ADCY1: variants seen among roughly 807,000 people sequenced by gnomAD.
The protein encoded by ADCY1 is adenylate cyclase type 1.
A neutral mutation model predicts 105.4 loss-of-function variants in ADCY1; 28 were observed. That is an observed-to-expected ratio of 0.27 (90% CI 0.20 to 0.36). The LOEUF (loss-of-function observed/expected upper bound fraction) is 0.36, where lower values mean the gene tolerates loss of function less well. Ranked by LOEUF, ADCY1 falls within the 10% of genes least tolerant of loss-of-function variation. The pLI, the probability that ADCY1 is intolerant of heterozygous loss-of-function variation, is 1.00. For synonymous variants in ADCY1, 655 were observed against 623.8 expected (o/e 1.05, Z -0.75); for missense variants, 977 against 1,434.2 (o/e 0.68, Z 5.15).
intron 14 of ADCY1, among the ~76,000 whole-genome samples, chr7:45,700,969 C>A (rs76154881): frequency 2.6e-5 from 4 of 152,172 alleles, no homozygotes; most frequent in African/African-American, 9.7e-5. Flanking sequence ...TGAGGCATCA[C>A]GTAACTATCA....
chr7:45,646,306 C>T (rs552213167), intron 4 of ADCY1, among the ~76,000 whole-genome samples: 37 of 152,272 alleles, frequency 2.4e-4, no homozygotes, highest in African/African-American at 8.2e-4. Flanking sequence ...CAGAGACTGG[C>T]GCTGGCAGCC....
At chr7:45,576,942 T>G (rs765935242) in intron 1 of ADCY1, among the ~76,000 whole-genome samples, 11 of 152,212 alleles carry the variant, frequency 7.2e-5, no homozygotes, top group Non-Finnish European at 1.0e-4. Flanking sequence ...ATAAAGACAT[T>G]TCCTATATAG....
At chr7:45,650,566 C>T (rs1054542622) in intron 5 of ADCY1, among the ~76,000 whole-genome samples, 7 of 152,092 alleles carry the variant, frequency 4.6e-5, no homozygotes, top group African/African-American at 1.4e-4. Context: ...CCAGGTGGCT[C>T]GTGGAGCTGA....
chr7:45,680,118 C>T (rs1249543411), intron 11 of ADCY1, among the ~76,000 whole-genome samples: 2 of 152,232 alleles, frequency 1.3e-5, no homozygotes, highest in African/African-American at 4.8e-5. Flanking sequence ...CTGCACTGGG[C>T]ACATGCACTC....
intron 11 of ADCY1, among the ~76,000 whole-genome samples, chr7:45,680,171 T>A (rs1227922243): frequency 2.6e-5 from 4 of 152,222 alleles, no homozygotes; most frequent in Non-Finnish European, 5.9e-5. Flanking sequence ...TGGCGATTGA[T>A]ATTGATTAAA....
At chr7:45,688,570 G>C (rs1258519397) in intron 14 of ADCY1, among the ~76,000 whole-genome samples, 2 of 152,188 alleles carry the variant, frequency 1.3e-5, no homozygotes, top group African/African-American at 4.8e-5. Flanking sequence ...AGCATGACAG[G>C]GCAGGATGCA....
At chr7:45,674,005 ATATG>A in intron 8 of ADCY1, among the ~76,000 whole-genome samples, 1 of 26,632 alleles carries the variant, frequency 3.8e-5, no homozygotes, top group Non-Finnish European at 1.1e-4. Context: ...ATATATATAT[ATATG>A]TTTTTGTTGT....
Position 45,678,024 on chromosome 7 carries a change from C to G in ADCY1, c.1761C>G (p.Phe587Leu). The G allele has an allele frequency of 6.2e-7, 1 of 1,614,174 alleles. No homozygotes were observed. The highest frequency in any genetic ancestry group is 1.3e-5 in the African/African-American group (1 of 75,050). Residue 587 changes from phenylalanine to leucine, a missense_variant, in exon 9 of 20, where the codon TTC becomes TTG. Around this residue, in one of 7 missense-constraint regions of ADCY1, gnomAD observed 275 missense variants for 362.1 expected, o/e 0.76. Coordinates refer to ENST00000297323, the MANE Select transcript of ADCY1 (RefSeq NM_021116.4). Reference protein sequence around the residue: ...QTELEMADLNFFTLKYKHVER... With the variant: ...QTELEMADLNLFTLKYKHVER... ...AGCTGGAGATGGCAGACCTGAACTT[C>G]TTTACCCTGAAGTACAAACATGTCG...
chr7:45,624,434 T>C (rs1793994481), intron 4 of ADCY1, among the ~76,000 whole-genome samples: 1 of 152,068 alleles, frequency 6.6e-6, no homozygotes, highest in Non-Finnish European at 1.5e-5. Flanking sequence ...TGAGATCCAG[T>C]TGTAAAGTCA....
intron 4 of ADCY1, among the ~76,000 whole-genome samples, chr7:45,624,288 G>C (rs570698264): frequency 1.3e-5 from 2 of 148,796 alleles, no homozygotes; most frequent in African/African-American, 2.5e-5. Flanking sequence ...GGAGGTGGGA[G>C]AAAACTTGGG....
At chr7:45,614,296 G>A (rs1793675972) in intron 3 of ADCY1, among the ~76,000 whole-genome samples, 1 of 152,152 alleles carries the variant, frequency 6.6e-6, no homozygotes, top group Non-Finnish European at 1.5e-5. Context: ...GTTTCTGTAT[G>A]TAATTGAACT....
intron 10 of ADCY1, among the ~76,000 whole-genome samples, chr7:45,678,759 T>C (rs1157853358): frequency 6.6e-6 from 1 of 150,628 alleles, no homozygotes; most frequent in Non-Finnish European, 1.5e-5. Context: ...CAGCACTTGC[T>C]TGTAGTAGTC....
At chr7:45,702,577 C>T (rs968556500) in intron 14 of ADCY1, among the ~76,000 whole-genome samples, 18 of 152,380 alleles carry the variant, frequency 1.2e-4, no homozygotes, top group Middle Eastern at 6.8e-3. Flanking sequence ...TGAGGAAACA[C>T]AGGGACCCTG....
At chr7:45,626,530 A>C (rs1794065679) in intron 4 of ADCY1, among the ~76,000 whole-genome samples, 1 of 152,190 alleles carries the variant, frequency 6.6e-6, no homozygotes, top group Non-Finnish European at 1.5e-5. Context: ...AGATGCCTTC[A>C]TGCAGCCCTT....
chr7:45,635,129 G>C (rs1312185279), intron 4 of ADCY1, among the ~76,000 whole-genome samples: 3 of 142,636 alleles, frequency 2.1e-5, no homozygotes, highest in Non-Finnish European at 4.6e-5. Flanking sequence ...AATAGAGCTA[G>C]TGAGGTCAGT....
intron 4 of ADCY1, among the ~76,000 whole-genome samples, chr7:45,633,269 C>T (rs1199926811): frequency 6.6e-6 from 1 of 152,100 alleles, no homozygotes; most frequent in Non-Finnish European, 1.5e-5. Context: ...ACTGGTATAG[C>T]AAAATACAGT....
Position 45,658,011 on chromosome 7 carries a change from CCT to C in ADCY1, c.1307+127_1307+128del, listed in dbSNP as rs1199273902. 2.7e-6 allele frequency: 3 copies of C among 1,116,608 alleles called. No individual in the cohort carries two copies. The African/African-American group carries it at 4.6e-5, about 17-fold the overall frequency. The allele number at this position is 1,116,608 out of a possible 1,614,324, so 69.2% of individuals were successfully genotyped here. A position where few individuals can be genotyped will look rare whatever the true frequency, so the allele number is the denominator to read the frequency against. The stretch of plus-strand genomic sequence containing the variant: ...ACTTGTGTGAGTGCTCCTGGAGGAG[CCT>C]GCCTGTCCCAGCCGCACCTGCCAAC... On this transcript the variant is annotated intron_variant, in intron 6 of 19. Coordinates refer to ENST00000297323, the MANE Select transcript of ADCY1 (RefSeq NM_021116.4).
Position 45,686,205 on chromosome 7 carries a change from A to G in ADCY1, c.2317A>G (p.Thr773Ala), listed in dbSNP as rs759780917. 1.9e-6 allele frequency: 3 copies of G among 1,613,612 alleles called. No individual in the cohort carries two copies. The African/African-American group carries it at 4.0e-5, about 22-fold the overall frequency. Reference sequence around the variant, plus strand: ...CCTCGTTCTGGAGCTCAGCGGATACACCAGGACTGGGTAAGTGTGTGGCTC... The same window carrying G: ...CCTCGTTCTGGAGCTCAGCGGATACGCCAGGACTGGGTAAGTGTGTGGCTC... ...YILVLELSGY[T>A]RTGGGAVSGR... is the part of the protein sequence containing the mutation. Residue 773 changes from threonine to alanine, a missense_variant, in exon 13 of 20, where the codon ACC becomes GCC. Thr to Ala is a moderately conservative substitution (Grantham distance 58). Coordinates refer to ENST00000297323, the MANE Select transcript of ADCY1 (RefSeq NM_021116.4). The surrounding 1 kb of genome is among the most constrained non-coding windows in gnomAD (Gnocchi z 4.3).
At position 45,703,046 on chromosome 7, in the gene ADCY1, A is replaced by T. The variant is rs868516665; in HGVS notation, c.2455-330A>T. On this transcript the variant is annotated intron_variant, in intron 14 of 19. Coordinates refer to ENST00000297323, the MANE Select transcript of ADCY1 (RefSeq NM_021116.4). The surrounding 1 kb of genome is among the most constrained non-coding windows in gnomAD (Gnocchi z 5.9). ...GCCTGGGGGCTGGTGGAGCCTGTGGATGGGCACATGCCTGAGAAAGAGTTG... is the reference window on the plus strand; with the variant it reads ...GCCTGGGGGCTGGTGGAGCCTGTGGTTGGGCACATGCCTGAGAAAGAGTTG... Among the ~76,000 whole-genome samples, 8 of 152,300 alleles carry T rather than the reference A, an allele frequency of 5.3e-5. No homozygotes were observed. In the South Asian group the frequency reaches 1.7e-3, roughly 32 times the overall value.
Sources: allele counts gnomAD v4.1 joint callset (sites outside exome capture counted in the v4.1 genomes callset), GRCh38; gene constraint gnomAD v4.1.1; regional missense constraint gnomAD v4.1.1; non-coding constraint Gnocchi (gnomAD v3.1); transcripts MANE v1.5; gene names NCBI Gene and HGNC (gene_info 2026-07-23, HGNC 2026-07-21).